The following RALGAPB variants were observed in gnomAD, a reference collection of about 807,000 sequenced individuals.
RALGAPB encodes the protein ral GTPase-activating protein subunit beta.
A neutral mutation model predicts 161.1 loss-of-function variants in RALGAPB; 25 were observed. The ratio of observed to expected loss-of-function variants is 0.16; its 90% CI spans 0.11 to 0.22. The LOEUF is 0.22. Among genes scored for constraint, RALGAPB ranks in the 10% least tolerant of loss-of-function variants. The pLI is 1.00. For missense variants in RALGAPB, 1,391 were observed against 1,815.2 expected (o/e 0.77, Z 4.25); for synonymous variants, 629 against 626.1 (o/e 1.00, Z -0.07).
At chr20:38,534,159 GAAAACA>G (rs2086737690) in intron 15 of RALGAPB, among the ~76,000 whole-genome samples, 3 of 146,058 alleles carry the variant, frequency 2.1e-5, no homozygotes, top group African/African-American at 7.5e-5. Flanking sequence ...AAAAAAAACA[GAAAACA>G]AAAACAAAAA....
Position 38,508,578 on chromosome 20 carries a change from GT to G in RALGAPB, c.741-498del, listed in dbSNP as rs2085838756. Among the ~76,000 whole-genome samples the G allele has an allele frequency of 1.9e-4, 29 of 152,048 alleles. No individual in the cohort carries two copies. The South Asian group carries it at 6.0e-3, about 32-fold the overall frequency. ...ATACTAATTATTTTAAATTATTTAA[GT>G]ATCTTAAATAATTTAAAACACTCTT... On this transcript the variant is annotated intron_variant, in intron 5 of 29. Transcript: ENST00000262879.
At position 38,533,612 on chromosome 20, in the gene RALGAPB, G is replaced by A. The variant is rs77369648; in HGVS notation, c.2245+753G>A. On this transcript the variant is annotated intron_variant, in intron 15 of 29. Coordinates refer to ENST00000262879, the MANE Select transcript of RALGAPB (RefSeq NM_020336.4). Reference sequence around the variant, plus strand: ...GTTCATGAGGCATGTCATGAGCCATGTTCATGAGTTCATGAATTCATGAGG... The same window carrying A: ...GTTCATGAGGCATGTCATGAGCCATATTCATGAGTTCATGAATTCATGAGG... 7.2e-3 allele frequency among the ~76,000 whole-genome samples: 1,090 copies of A among 152,226 alleles called. 14 individuals carry two copies. The highest frequency in any genetic ancestry group is 0.025 in the African/African-American group (1,039 of 41,524).
intron 19 of RALGAPB, 134 bp downstream of exon 19, chr20:38,546,564 T>C (rs1185706496): frequency 8.0e-7 from 1 of 1,243,536 alleles, no homozygotes; most frequent in Non-Finnish European, 1.1e-6. Context: ...TGTGGGACAA[T>C]AGCACCTGAA....
chr20:38,572,921 G>A (rs2088293081), intron 28 of RALGAPB, among the ~76,000 whole-genome samples: 1 of 152,012 alleles, frequency 6.6e-6, no homozygotes, highest in Non-Finnish European at 1.5e-5. Context: ...TATATATCTG[G>A]TTTTAATTCC....
intron 10 of RALGAPB, 79 bp downstream of exon 10, chr20:38,521,777 G>A: frequency 7.0e-7 from 1 of 1,431,364 alleles, no homozygotes; most frequent in Non-Finnish European, 9.7e-7. Context: ...CTGAACCGAT[G>A]AGTGATGTTG....
intron 5 of RALGAPB, among the ~76,000 whole-genome samples, chr20:38,508,310 A>T (rs1008313316): frequency 1.6e-4 from 25 of 152,096 alleles, no homozygotes; most frequent in Non-Finnish European, 3.1e-4. Flanking sequence ...TAACATACCT[A>T]ACCTATAAAA....
rs1314581286 is a variant in RALGAPB, at chr20:38,532,791, G to A, written c.2177G>A (p.Ser726Asn). 1 of 1,613,898 alleles carries A rather than the reference G, an allele frequency of 6.2e-7. No individual in the cohort carries two copies. The highest frequency in any genetic ancestry group is 1.3e-5 in the African/African-American group (1 of 74,930). Residue 726 changes from serine to asparagine, a missense_variant, in exon 15 of 30, where the codon AGT (serine) becomes AAT (asparagine). Ser to Asn is a conservative substitution (Grantham distance 46, BLOSUM62 1). Transcript: ENST00000262879. ...SRTNSGISSA[S>N]GGSTEPTTPD... is the part of the protein sequence containing the mutation. ...ACCAATAGTGGTATTAGTTCAGCAA[G>A]TGGTGGAAGCACGGAGCCCACGACT...
chr20:38,516,871 T>C lies in RALGAPB; in HGVS notation c.1051+501T>C, dbSNP rs577114584. Among the ~76,000 whole-genome samples, 353 of 152,348 alleles carry C rather than the reference T, an allele frequency of 2.3e-3. 1 individual carries two copies. Among genetic ancestry groups the C allele is most frequent in the African/African-American group, 8.2e-3 (340 of 41,584 alleles). On this transcript the variant is annotated intron_variant, in intron 7 of 29. Coordinates refer to ENST00000262879, the MANE Select transcript of RALGAPB (RefSeq NM_020336.4). ...ACATTTTAGATATATGAAAAGTCAA[T>C]TTTTTAACCTGTTGAAAGGCAGTGA...
intron 6 of RALGAPB, among the ~76,000 whole-genome samples, chr20:38,510,708 A>G (rs2085916689): frequency 8.3e-6 from 1 of 121,002 alleles, no homozygotes; most frequent in Admixed American, 7.3e-5. Flanking sequence ...CAGGAGATCG[A>G]GACCATCCCG....
In RALGAPB at chr20:38,524,785, A is replaced by G. The variant is rs148138442; in HGVS notation, c.1627A>G (p.Met543Val). Residue 543 changes from methionine (M) to valine (V), a missense_variant, in exon 11 of 30, where the codon ATG becomes GTG. Met to Val is a conservative substitution (Grantham distance 21, BLOSUM62 1). Around this residue, in one of 3 missense-constraint regions of RALGAPB, gnomAD observed 946 missense variants for 1,257.2 expected, o/e 0.75. Coordinates refer to ENST00000262879, the MANE Select transcript of RALGAPB (RefSeq NM_020336.4). Reference sequence around the variant, plus strand: ...TTTTTCTTGCTTTCCTAGATTTTACATGCTTTTAATTCAAGGTTTGCAGAT... The same window carrying G: ...TTTTTCTTGCTTTCCTAGATTTTACGTGCTTTTAATTCAAGGTTTGCAGAT... ...ILPAYLSRFY[M>V]LLIQGLQIND... 2.5e-6 allele frequency: 4 copies of G among 1,602,014 alleles called. No individual in the cohort carries two copies. Among genetic ancestry groups the G allele is most frequent in the Non-Finnish European group, 3.4e-6 (4 of 1,172,332 alleles).
In RALGAPB at chr20:38,538,500, G is replaced by A. The variant is rs58651814; in HGVS notation, c.2380-1276G>A. On this transcript the variant is annotated intron_variant, in intron 16 of 29. Transcript: ENST00000262879. Reference sequence around the variant, plus strand: ...CCTTGGCAGCTGGATCTGGAGTCTGGATGTTGCCTTGTAAAGACCTTTAAT... The same window carrying A: ...CCTTGGCAGCTGGATCTGGAGTCTGAATGTTGCCTTGTAAAGACCTTTAAT... 1,611 of 165,300 alleles carry A rather than the reference G, an allele frequency of 9.7e-3. 23 individuals are homozygous for A. Among genetic ancestry groups the A allele is most frequent in the African/African-American group, 0.037 (1,534 of 41,658 alleles). The allele number at this position is 165,300 out of a possible 1,614,324, so 10.2% of individuals were successfully genotyped here.
intron 20 of RALGAPB, among the ~76,000 whole-genome samples, chr20:38,550,562 T>G (rs2087341812): frequency 6.6e-6 from 1 of 152,180 alleles, no homozygotes; most frequent in African/African-American, 2.4e-5. Context: ...TTGTTTAGGG[T>G]TCACCATGTA....
intron 13 of RALGAPB, 65 bp downstream of exon 13, chr20:38,526,107 A>C: frequency 6.4e-7 from 1 of 1,555,862 alleles, no homozygotes; most frequent in South Asian, 1.2e-5. Context: ...CCTGCTGAGG[A>C]GGCGGCAGTC....
rs2085459785 is a variant in RALGAPB at position 38,497,456 on chromosome 20, G to A, written c.493G>A (p.Val165Ile). The A allele has an allele frequency of 1.9e-6, 3 of 1,614,004 alleles. No homozygotes were observed. The African/African-American group carries it at 4.0e-5, about 22-fold the overall frequency. ...SSLMARETWE[V>I]LLLFLLQIND... The stretch of plus-strand genomic sequence containing the variant: ...TCTCATGGCCCGAGAAACTTGGGAA[G>A]TCTTACTGTTGTTTCTTCTGCAGAT... The change falls in exon 4 of 30, where the codon GTC becomes ATC. Residue 165 changes from valine (V) to isoleucine (I), a missense_variant. Physicochemically the swap from Val to Ile is conservative, Grantham distance 29 (BLOSUM62 3). This residue lies in a region of RALGAPB where 946 missense variants were observed against 1,257.2 expected (regional missense o/e 0.75). Transcript: ENST00000262879.
chr20:38,492,593 G>A (rs766843412), intron 2 of RALGAPB, among the ~76,000 whole-genome samples: 3 of 151,968 alleles, frequency 2.0e-5, no homozygotes, highest in South Asian at 2.1e-4. Context: ...ACTCTAAAAT[G>A]TTCTATTTTG....
chr20:38,490,871 C>T (rs1237461138), intron 2 of RALGAPB, among the ~76,000 whole-genome samples: 1 of 152,184 alleles, frequency 6.6e-6, no homozygotes, highest in Non-Finnish European at 1.5e-5. Flanking sequence ...TCTCGAACTC[C>T]TGATCTCAGA....
In RALGAPB at chr20:38,566,856, A is replaced by G. The variant is rs533216383; in HGVS notation, c.3818-240A>G. 2.1e-4 allele frequency among the ~76,000 whole-genome samples: 32 copies of G among 152,378 alleles called. No individual in the cohort carries two copies. The East Asian group carries it at 5.6e-3, about 27-fold the overall frequency. On this transcript the variant is annotated intron_variant, in intron 25 of 29. Coordinates refer to ENST00000262879, the MANE Select transcript of RALGAPB (RefSeq NM_020336.4). ...CCAAATGCCGCCAAGAATGGGTTTT[A>G]CATTCTTAAAGGGTTATAAATAAAA...
chr20:38,564,071 A>G (rs927140130), intron 24 of RALGAPB, among the ~76,000 whole-genome samples: 15 of 152,202 alleles, frequency 9.9e-5, no homozygotes, highest in Non-Finnish European at 2.2e-4. Context: ...CAGGCAAGCT[A>G]GAACTAGTAT....
intron 2 of RALGAPB, among the ~76,000 whole-genome samples, chr20:38,490,409 C>T (rs562163251): frequency 1.5e-4 from 22 of 150,088 alleles, no homozygotes; most frequent in Non-Finnish European, 2.1e-4. Context: ...AGAGTTTCAC[C>T]GTGTTAGCCA....
Sources: allele counts gnomAD v4.1 joint callset (sites outside exome capture counted in the v4.1 genomes callset), GRCh38; gene constraint gnomAD v4.1.1; regional missense constraint gnomAD v4.1.1; transcripts MANE v1.5; gene names NCBI Gene and HGNC (gene_info 2026-07-23, HGNC 2026-07-21).